Variants in SPATA13 observed in about 807,000 individuals in gnomAD.
SPATA13 encodes the protein spermatogenesis associated 13.
SPATA13 carries 50 observed loss-of-function variants against 104.0 expected under a neutral mutation model. The ratio of observed to expected loss-of-function variants is 0.48; its 90% CI spans 0.38 to 0.61. The LOEUF (loss-of-function observed/expected upper bound fraction) is 0.61, where lower values mean the gene tolerates loss of function less well. SPATA13 is among the 20% of genes least tolerant of loss of function. The pLI is 0.00. For missense variants in SPATA13, 1,524 were observed against 1,690.6 expected (o/e 0.90, Z 1.73); for synonymous variants, 606 against 667.5 (o/e 0.91, Z 1.42).
intron 3 of SPATA13, among the ~76,000 whole-genome samples, chr13:24,082,673 AGCCGGGCGCGGTGGCGGGC>A (rs1285688088): frequency 6.8e-6 from 1 of 147,862 alleles, no homozygotes; most frequent in Non-Finnish European, 1.5e-5. Context: ...ACAAAAAATT[AGCCGGGCGCGGTGGCGGGC>A]GCCTGTAGTC....
At position 24,027,173 on chromosome 13, in the gene SPATA13, C is replaced by A. The variant is rs1326437838; in HGVS notation, c.-112+9472C>A. Among the ~76,000 whole-genome samples the A allele has an allele frequency of 4.1e-5, 5 of 122,194 alleles. No individual in the cohort carries two copies. In the East Asian group the frequency reaches 1.3e-3, roughly 31 times the overall value. The allele number at this position is 122,194 out of a possible 152,430, so 80.2% of individuals were successfully genotyped here. A position where few individuals can be genotyped will look rare whatever the true frequency, so the allele number is the denominator to read the frequency against. On this transcript the variant is annotated intron_variant, in intron 3 of 14. Transcript: ENST00000424834. ...TTTTTGAGACGGAGTCTAGCTCGGT[C>A]GTCCAGGCTGGAGTGCAGTGGCACA...
intron 4 of SPATA13, among the ~76,000 whole-genome samples, chr13:24,264,818 T>C (rs1389499286): frequency 6.6e-6 from 1 of 152,206 alleles, no homozygotes; most frequent in Non-Finnish European, 1.5e-5. Context: ...ACAATGGCCT[T>C]CAGCTGAAGC....
Position 24,111,477 on chromosome 13 carries a change from G to A in SPATA13, c.-112+93776G>A, listed in dbSNP as rs139340694. The stretch of plus-strand genomic sequence containing the variant: ...GGCTGAAGTGCAGTGGTGCAATCAC[G>A]GCTCACTGCAGCCTCAACCTTCCCA... On this transcript the variant is annotated intron_variant, in intron 3 of 14. Transcript: ENST00000424834. Among the ~76,000 whole-genome samples the A allele has an allele frequency of 7.2e-3, 1,032 of 142,538 alleles. 16 individuals carry two copies. Among genetic ancestry groups the A allele is most frequent in the African/African-American group, 0.025 (974 of 38,284 alleles). The allele number at this position is 142,538 out of a possible 152,430, so 93.5% of individuals were successfully genotyped here.
At chr13:24,045,210 A>G (rs6490859) in intron 3 of SPATA13, among the ~76,000 whole-genome samples, 70,304 of 152,002 alleles carry the variant, frequency 0.46, 17,008 homozygotes, top group African/African-American at 0.61. Flanking sequence ...TCTTTGAATA[A>G]CTGATCTATT....
intron 2 of SPATA13, among the ~76,000 whole-genome samples, chr13:24,012,527 G>T (rs1053238121): frequency 6.6e-6 from 1 of 152,342 alleles, no homozygotes; most frequent in Middle Eastern, 3.4e-3. Context: ...ATTTTGATAG[G>T]CTTCTCACTT....
intron 3 of SPATA13, among the ~76,000 whole-genome samples, chr13:24,124,466 AG>A (rs1372962897): frequency 6.6e-6 from 1 of 152,228 alleles, no homozygotes; most frequent in African/African-American, 2.4e-5. Flanking sequence ...GTGCCTTTCC[AG>A]GGCAGCTGCA....
chr13:24,266,807 TC>T (rs1321618639), intron 4 of SPATA13, among the ~76,000 whole-genome samples: 8 of 150,422 alleles, frequency 5.3e-5, no homozygotes, highest in Admixed American at 5.3e-4. Flanking sequence ...TTTTTTTTTT[TC>T]CAAGTCAGGG....
chr13:24,264,734 T>A (rs1874213951), intron 4 of SPATA13, among the ~76,000 whole-genome samples: 1 of 152,078 alleles, frequency 6.6e-6, no homozygotes, highest in African/African-American at 2.4e-5. Flanking sequence ...ACCAGGTAAA[T>A]ACAGAAAAGA....
chr13:24,247,753 G>A (rs768072556), intron 2 of SPATA13, among the ~76,000 whole-genome samples: 2 of 152,076 alleles, frequency 1.3e-5, no homozygotes, highest in Admixed American at 6.5e-5. Flanking sequence ...AAAGTGCTGG[G>A]ATTACGGACG....
At chr13:24,190,722 A>G (rs537165440) in intron 1 of SPATA13, among the ~76,000 whole-genome samples, 1 of 152,084 alleles carries the variant, frequency 6.6e-6, no homozygotes, top group Non-Finnish European at 1.5e-5. Flanking sequence ...GAGCAAAGAG[A>G]GTGGTTTCTT....
chr13:24,075,788 C>T (rs1019898517), intron 3 of SPATA13, among the ~76,000 whole-genome samples: 4 of 152,082 alleles, frequency 2.6e-5, no homozygotes, highest in African/African-American at 4.8e-5. Flanking sequence ...TTCTTTCTGC[C>T]GCTGGTCTTG....
intron 3 of SPATA13, among the ~76,000 whole-genome samples, chr13:24,112,305 C>T (rs919494475): frequency 3.7e-5 from 5 of 133,918 alleles, no homozygotes; most frequent in Non-Finnish European, 6.4e-5. Context: ...ACCCTTAACT[C>T]ACTGGGTCAG....
intron 2 of SPATA13, among the ~76,000 whole-genome samples, chr13:24,000,026 G>C (rs141604341): frequency 6.6e-6 from 1 of 152,312 alleles, no homozygotes; most frequent in East Asian, 1.9e-4. Context: ...AATAGTGCTT[G>C]CCCTCATTAG....
At chr13:23,982,037 G>A (rs944340717) in intron 1 of SPATA13, among the ~76,000 whole-genome samples, 1 of 152,164 alleles carries the variant, frequency 6.6e-6, no homozygotes, top group African/African-American at 2.4e-5. Context: ...TTTAAATTTG[G>A]TTATTCATGA....
intron 3 of SPATA13, among the ~76,000 whole-genome samples, chr13:24,061,349 A>G (rs906938657): frequency 1.5e-4 from 23 of 152,250 alleles, no homozygotes; most frequent in African/African-American, 5.5e-4. Flanking sequence ...CATTTGACCC[A>G]ATAATCCCAT....
chr13:24,286,297 C>T lies in SPATA13; in HGVS notation c.2385C>T (p.Ala795=), dbSNP rs552280580. The change falls in exon 6 of 13, where the codon GCC becomes GCT. Residue 795 remains alanine, a synonymous_variant. Coordinates refer to ENST00000382108, the MANE Select transcript of SPATA13 (RefSeq NM_001166271.3). This position sits in a 1 kb window ranked among gnomAD's most constrained non-coding sequence, Gnocchi z 4.9. ...TMDDQELGFK[A]GDVIQVLEAS... is the part of the protein sequence containing the mutation. ...ATGACCAGGAACTGGGCTTCAAAGC[C>T]GGGGATGTCATCCAGGTTCTGGAAG... The T allele has an allele frequency of 7.4e-5, 120 of 1,613,880 alleles. No individual in the cohort carries two copies. Among genetic ancestry groups the T allele is most frequent in the South Asian group, 5.7e-4 (52 of 91,060 alleles).
At chr13:24,273,071 C>G (rs1234186342) in intron 4 of SPATA13, 3 of 152,838 alleles carry the variant, frequency 2.0e-5, no homozygotes. Context: ...GTGCTCAGAG[C>G]CAGCAGCCCC....
At chr13:24,173,353 A>C (rs1319208384) in intron 1 of SPATA13, among the ~76,000 whole-genome samples, 2 of 129,060 alleles carry the variant, frequency 1.5e-5, no homozygotes, top group South Asian at 2.9e-4. Flanking sequence ...CTCACTCATT[A>C]GTTCTTAGTT....
intron 1 of SPATA13, among the ~76,000 whole-genome samples, chr13:24,194,442 A>C (rs9511131): frequency 0.43 from 64,905 of 151,806 alleles, 15,996 homozygotes; most frequent in Non-Finnish European, 0.56. Flanking sequence ...AAATGTTGAG[A>C]ATCACTGACA....
Sources: allele counts gnomAD v4.1 joint callset (sites outside exome capture counted in the v4.1 genomes callset), GRCh38; gene constraint gnomAD v4.1.1; non-coding constraint Gnocchi (gnomAD v3.1); transcripts MANE v1.5; gene names NCBI Gene and HGNC (gene_info 2026-07-23, HGNC 2026-07-21).